The following ESR1 variants were observed in gnomAD, a reference collection of about 807,000 sequenced individuals.
The protein encoded by ESR1 is estrogen receptor.
In ESR1, 12 loss-of-function variants were observed where a neutral mutation model predicts 52.7. The ratio of observed to expected loss-of-function variants is 0.23; its 90% CI spans 0.15 to 0.37. The LOEUF is 0.37. ESR1 is among the 10% of genes least tolerant of loss of function. The pLI, the probability that ESR1 is intolerant of heterozygous loss-of-function variation, is 1.00. For missense variants in ESR1, 584 were observed against 779.7 expected, an observed-to-expected ratio of 0.75 and a Z score of 2.99; for synonymous variants, 305 against 316.8, an observed-to-expected ratio of 0.96 and a Z score of 0.39.
intron 3 of ESR1, among the ~76,000 whole-genome samples, chr6:151,932,635 G>T (rs1482178154): frequency 7.0e-6 from 1 of 143,032 alleles, no homozygotes; most frequent in Non-Finnish European, 1.5e-5. Flanking sequence ...TTTGTATAAG[G>T]TGTAAGGAAG....
intron 3 of ESR1, among the ~76,000 whole-genome samples, chr6:151,899,613 G>A (rs542034720): frequency 1.5e-3 from 221 of 151,110 alleles, no homozygotes; most frequent in Non-Finnish European, 2.2e-3. Flanking sequence ...GGTGGCTGCC[G>A]GGCGGAGACG....
chr6:151,815,414 C>T (rs1779455602), intron 1 of ESR1, among the ~76,000 whole-genome samples: 1 of 152,180 alleles, frequency 6.6e-6, no homozygotes, highest in Non-Finnish European at 1.5e-5. Context: ...CTGTATTTCC[C>T]TCAAGCTCTT....
intron 2 of ESR1, among the ~76,000 whole-genome samples, chr6:151,792,094 G>A (rs1776216997): frequency 6.6e-6 from 1 of 152,186 alleles, no homozygotes; most frequent in Admixed American, 6.5e-5. Context: ...TGTACAGCAT[G>A]TTACTGTCCT....
chr6:151,764,057 G>C (rs1305252540), intron 2 of ESR1, among the ~76,000 whole-genome samples: 2 of 152,136 alleles, frequency 1.3e-5, no homozygotes, highest in Non-Finnish European at 2.9e-5. Flanking sequence ...AAGCGCGGGG[G>C]TGTGGCTCTC....
intron 5 of ESR1, among the ~76,000 whole-genome samples, chr6:152,026,074 A>C (rs1170605351): frequency 1.3e-5 from 2 of 152,068 alleles, no homozygotes; most frequent in Non-Finnish European, 2.9e-5. Flanking sequence ...GGATCAGAGA[A>C]TACTGCTTGT....
At chr6:151,965,086 G>A (rs2038128432) in intron 4 of ESR1, among the ~76,000 whole-genome samples, 1 of 152,150 alleles carries the variant, frequency 6.6e-6, no homozygotes, top group Admixed American at 6.5e-5. Context: ...AAACAGTTTT[G>A]TGAATCTGCT....
chr6:151,769,037 A>G (rs998111206), intron 2 of ESR1, among the ~76,000 whole-genome samples: 3 of 152,342 alleles, frequency 2.0e-5, no homozygotes, highest in Non-Finnish European at 4.4e-5. Flanking sequence ...GCTTTTATGT[A>G]TGGATACTGC....
intron 2 of ESR1, among the ~76,000 whole-genome samples, chr6:151,773,646 C>T (rs963985808): frequency 6.6e-6 from 1 of 152,198 alleles, no homozygotes; most frequent in Non-Finnish European, 1.5e-5. Flanking sequence ...TGGCTGGCAA[C>T]CCAGTGACTC....
intron 1 of ESR1, among the ~76,000 whole-genome samples, chr6:151,809,979 C>T (rs959547101): frequency 6.6e-6 from 1 of 152,022 alleles, no homozygotes; most frequent in African/African-American, 2.4e-5. Context: ...AATTCCATAA[C>T]CTTATGATGG....
At chr6:152,013,152 G>A (rs1427637620) in intron 5 of ESR1, among the ~76,000 whole-genome samples, 5 of 152,090 alleles carry the variant, frequency 3.3e-5, no homozygotes, top group Admixed American at 6.6e-5. Flanking sequence ...TATAGAGGAT[G>A]TCTTTACCGT....
At chr6:151,857,408 G>A (rs868787999) in intron 2 of ESR1, among the ~76,000 whole-genome samples, 25 of 151,524 alleles carry the variant, frequency 1.6e-4, no homozygotes, top group African/African-American at 5.6e-4. Flanking sequence ...AGGAGTCTTC[G>A]AACAAATCCC....
At chr6:151,848,550 A>T (rs544078345) in intron 2 of ESR1, among the ~76,000 whole-genome samples, 1 of 151,924 alleles carries the variant, frequency 6.6e-6, no homozygotes, top group South Asian at 2.1e-4. Context: ...TTGTTCACTT[A>T]AAGTGGATTG....
chr6:151,732,534 T>G (rs4992807), intron 2 of ESR1, among the ~76,000 whole-genome samples: 21 of 148,768 alleles, frequency 1.4e-4, no homozygotes, highest in African/African-American at 3.9e-4. Flanking sequence ...GTGTGTGTGT[T>G]TGTGTGTGTG....
intron 6 of ESR1, among the ~76,000 whole-genome samples, chr6:152,067,066 GC>G (rs1405032881): frequency 2.0e-5 from 3 of 152,190 alleles, no homozygotes; most frequent in Non-Finnish European, 4.4e-5. Context: ...GTTCTTCTTA[GC>G]AGGTAATAAA....
At chr6:151,718,405 G>A (rs1353634677) in intron 2 of ESR1, among the ~76,000 whole-genome samples, 1 of 152,184 alleles carries the variant, frequency 6.6e-6, no homozygotes, top group Non-Finnish European at 1.5e-5. Flanking sequence ...AGAAGTCTTG[G>A]CAAGTTAATT....
chr6:152,005,508 C>T (rs2042260651), intron 4 of ESR1, among the ~76,000 whole-genome samples: 1 of 151,990 alleles, frequency 6.6e-6, no homozygotes, highest in African/African-American at 2.4e-5. Context: ...TAAAACAAAA[C>T]ATTTCTCTTG....
intron 4 of ESR1, among the ~76,000 whole-genome samples, chr6:151,961,743 AG>A (rs1204142890): frequency 6.6e-6 from 1 of 152,086 alleles, no homozygotes; most frequent in African/African-American, 2.4e-5. Context: ...GAGAGGTCAA[AG>A]CGGCAAGAGT....
intron 2 of ESR1, among the ~76,000 whole-genome samples, chr6:151,753,811 A>G (rs1002228886): frequency 6.6e-5 from 10 of 152,182 alleles, no homozygotes; most frequent in Admixed American, 2.0e-4. Context: ...ACACATGGTT[A>G]AGTTCCCCAG....
In ESR1 at chr6:152,098,289, G is replaced by C. The variant is rs181973119; in HGVS notation, c.1554-443G>C. On this transcript the variant is annotated intron_variant, in intron 7 of 7. Coordinates refer to ENST00000206249, the MANE Select transcript of ESR1 (RefSeq NM_000125.4). The surrounding 1 kb of genome is among the most constrained non-coding windows in gnomAD (Gnocchi z 5.1). Reference sequence around the variant, plus strand: ...GACGTGAGAGATTTAACAATGGAGCGTCTTGAACTGCTTTACTCATTTAAA... The same window carrying C: ...GACGTGAGAGATTTAACAATGGAGCCTCTTGAACTGCTTTACTCATTTAAA... Among the ~76,000 whole-genome samples the C allele has an allele frequency of 6.6e-6, 1 of 152,068 alleles. No homozygotes were observed. Among genetic ancestry groups the C allele is most frequent in the Admixed American group, 6.5e-5 (1 of 15,278 alleles).
Sources: gnomAD v4.1 joint callset for allele counts (sites outside exome capture counted in the v4.1 genomes callset) on GRCh38, gnomAD v4.1.1 for gene constraint, Gnocchi (gnomAD v3.1) non-coding constraint, MANE v1.5 for transcripts, NCBI Gene and HGNC (gene_info 2026-07-23, HGNC 2026-07-21) for gene names.